TEAD1: variants seen among roughly 807,000 people sequenced by gnomAD.
The protein encoded by TEAD1 is transcriptional enhancer factor TEF-1.
In TEAD1, 9 loss-of-function variants were observed where a neutral mutation model predicts 54.9. The ratio of observed to expected loss-of-function variants is 0.16; its 90% CI spans 0.10 to 0.29. The LOEUF (loss-of-function observed/expected upper bound fraction) is 0.29, where lower values mean the gene tolerates loss of function less well. Ranked by LOEUF, TEAD1 falls within the 10% of genes least tolerant of loss-of-function variation. The probability of loss-of-function intolerance (pLI) is 1.00; values close to 1 mark genes in which losing one functional copy is unlikely to be tolerated. For synonymous variants in TEAD1, 200 were observed against 187.8 expected, an observed-to-expected ratio of 1.07 and a Z score of -0.53; for missense variants, 387 against 535.9, an observed-to-expected ratio of 0.72 and a Z score of 2.74.
At chr11:12,715,020 G>C (rs1441976563) in intron 2 of TEAD1, among the ~76,000 whole-genome samples, 7 of 152,270 alleles carry the variant, frequency 4.6e-5, no homozygotes, top group Admixed American at 1.3e-4. Context: ...CAATTCCGCA[G>C]TTCTCTACCA....
chr11:12,680,538 C>T (rs1036731271), intron 2 of TEAD1, among the ~76,000 whole-genome samples: 1 of 152,236 alleles, frequency 6.6e-6, no homozygotes, highest in Non-Finnish European at 1.5e-5. Context: ...GCAGCTCTAG[C>T]TGGGAGCCTG....
chr11:12,884,014 A>T (rs1347249643), intron 9 of TEAD1, among the ~76,000 whole-genome samples: 2 of 151,770 alleles, frequency 1.3e-5, no homozygotes, highest in African/African-American at 4.8e-5. Context: ...AAAAAAGAAG[A>T]AGTAACAAAA....
At chr11:12,864,417 A>G (rs571642024) in intron 4 of TEAD1, among the ~76,000 whole-genome samples, 2 of 152,304 alleles carry the variant, frequency 1.3e-5, no homozygotes, top group African/African-American at 4.8e-5. Flanking sequence ...TGGGAAGACT[A>G]AGATGAGTCT....
chr11:12,803,507 A>G (rs567918087), intron 3 of TEAD1, among the ~76,000 whole-genome samples: 2 of 152,264 alleles, frequency 1.3e-5, no homozygotes, highest in Non-Finnish European at 2.9e-5. Context: ...TGCAATGAAG[A>G]TAATTTTCAT....
intron 4 of TEAD1, among the ~76,000 whole-genome samples, chr11:12,863,371 G>A (rs553174986): frequency 2.6e-5 from 4 of 152,246 alleles, no homozygotes; most frequent in Non-Finnish European, 5.9e-5. Flanking sequence ...AGTGGCCCTC[G>A]TCAAGTCAGA....
intron 2 of TEAD1, among the ~76,000 whole-genome samples, chr11:12,687,666 A>AT (rs1943361967): frequency 1.3e-5 from 2 of 152,292 alleles, no homozygotes; most frequent in East Asian, 1.9e-4. Flanking sequence ...TGAGGACACA[A>AT]TACTTGTGTT....
intron 2 of TEAD1, among the ~76,000 whole-genome samples, chr11:12,710,873 A>T (rs1943922169): frequency 6.6e-6 from 1 of 152,060 alleles, no homozygotes. Flanking sequence ...GGAGAGAGTG[A>T]GTGCTAGCGT....
chr11:12,705,458 T>C (rs1448415670), intron 2 of TEAD1, among the ~76,000 whole-genome samples: 1 of 152,172 alleles, frequency 6.6e-6, no homozygotes, highest in African/African-American at 2.4e-5. Context: ...CATTTGCTCT[T>C]ACCATCCACC....
chr11:12,791,956 A>G (rs1227843677), intron 3 of TEAD1, among the ~76,000 whole-genome samples: 1 of 152,208 alleles, frequency 6.6e-6, no homozygotes, highest in Non-Finnish European at 1.5e-5. Context: ...AAGATCCAGG[A>G]GTAACAATAA....
Position 12,883,103 on chromosome 11 carries a change from A to G in TEAD1, c.677A>G (p.Glu226Gly). The change falls in exon 9 of 13, where the codon GAG becomes GGG. Residue 226 changes from glutamate to glycine, a missense_variant. Physicochemically the swap from Glu to Gly is moderately conservative, Grantham distance 98. Coordinates refer to ENST00000527636, the MANE Select transcript of TEAD1 (RefSeq NM_021961.6). ...CTGGTGGAATTTTCAGCTTTTCTCG[A>G]GCAGCAGCGAGACCCAGACTCGGTG... 1 of 1,614,098 alleles carries G rather than the reference A, an allele frequency of 6.2e-7. No individual in the cohort carries two copies. The highest frequency in any genetic ancestry group is 8.5e-7 in the Non-Finnish European group (1 of 1,180,032).
intron 2 of TEAD1, among the ~76,000 whole-genome samples, chr11:12,720,876 A>G (rs1403580469): frequency 6.6e-6 from 1 of 152,174 alleles, no homozygotes; most frequent in Admixed American, 6.5e-5. Context: ...CAGTCCTCAG[A>G]AAATGTGACT....
rs1049626861 is a variant in TEAD1, at chr11:12,823,578, T to C, written c.203-38672T>C. 2.5e-4 allele frequency: 38 copies of C among 152,186 alleles called. 1 individual carries two copies. The highest frequency in any genetic ancestry group is 2.4e-5 in the African/African-American group (1 of 41,436). The allele number at this position is 152,186 out of a possible 1,614,324, so 9.4% of individuals were successfully genotyped here. A position where few individuals can be genotyped will look rare whatever the true frequency, so the allele number is the denominator to read the frequency against. On this transcript the variant is annotated intron_variant, in intron 3 of 12. Transcript: ENST00000527636. The stretch of plus-strand genomic sequence containing the variant: ...AGAGATGCTTTTTCTAGTTGGGACA[T>C]GCAGGAGGAAAGAGAGAGCAGGTGC...
At chr11:12,719,007 G>T (rs11022477) in intron 2 of TEAD1, among the ~76,000 whole-genome samples, 8 of 151,624 alleles carry the variant, frequency 5.3e-5, no homozygotes, top group African/African-American at 1.9e-4. Flanking sequence ...TTTTTTTAGG[G>T]GGGGGAGTCC....
At chr11:12,690,918 G>T (rs940349332) in intron 2 of TEAD1, among the ~76,000 whole-genome samples, 1 of 152,062 alleles carries the variant, frequency 6.6e-6, no homozygotes, top group Admixed American at 6.6e-5. Flanking sequence ...ACCATGCCTG[G>T]CTAGTTTTTT....
At chr11:12,874,575 G>T (rs549996326) in intron 5 of TEAD1, among the ~76,000 whole-genome samples, 1 of 152,306 alleles carries the variant, frequency 6.6e-6, no homozygotes, top group South Asian at 2.1e-4. Context: ...TCAGGCTGAG[G>T]AGTTTATGCA....
intron 3 of TEAD1, among the ~76,000 whole-genome samples, chr11:12,784,338 TTCA>T (rs1375869790): frequency 6.6e-6 from 1 of 152,106 alleles, no homozygotes; most frequent in Non-Finnish European, 1.5e-5. Context: ...TTTGGGGCAC[TTCA>T]TGGGGAGGGC....
chr11:12,855,383 T>G (rs909538366), intron 3 of TEAD1, among the ~76,000 whole-genome samples: 2 of 151,970 alleles, frequency 1.3e-5, no homozygotes, highest in Non-Finnish European at 2.9e-5. Context: ...TCTGACTCCC[T>G]GGTTCAAGCG....
At chr11:12,762,234 T>C (rs1945116929) in intron 2 of TEAD1, among the ~76,000 whole-genome samples, 1 of 152,184 alleles carries the variant, frequency 6.6e-6, no homozygotes, top group South Asian at 2.1e-4. Context: ...TGTTGTTGTT[T>C]GGTGGGTATG....
At chr11:12,859,952 A>G (rs1387146357) in intron 3 of TEAD1, among the ~76,000 whole-genome samples, 1 of 152,170 alleles carries the variant, frequency 6.6e-6, no homozygotes, top group Admixed American at 6.5e-5. Flanking sequence ...GAGGTAGAGT[A>G]TTTAGGATGA....
Sources: allele counts gnomAD v4.1 joint callset (sites outside exome capture counted in the v4.1 genomes callset), GRCh38; gene constraint gnomAD v4.1.1; transcripts MANE v1.5; gene names NCBI Gene and HGNC (gene_info 2026-07-23, HGNC 2026-07-21).